The following SSBP2 variants were observed in gnomAD, a reference collection of about 807,000 sequenced individuals.
SSBP2 encodes single-stranded DNA-binding protein 2.
A neutral mutation model predicts 61.8 loss-of-function variants in SSBP2; 17 were observed. That is an observed-to-expected ratio of 0.28 (90% CI 0.19 to 0.41). SSBP2 has a LOEUF of 0.41. Among genes scored for constraint, SSBP2 ranks in the 10% least tolerant of loss-of-function variants. SSBP2 has a pLI of 1.00. For missense variants in SSBP2, 310 were observed against 458.7 expected, an observed-to-expected ratio of 0.68 and a Z score of 2.96; for synonymous variants, 139 against 141.3, an observed-to-expected ratio of 0.98 and a Z score of 0.12.
At chr5:81,458,720 T>A (rs1207347159) in intron 10 of SSBP2, among the ~76,000 whole-genome samples, 8 of 152,314 alleles carry the variant, frequency 5.3e-5, no homozygotes, top group Non-Finnish European at 7.4e-5. Flanking sequence ...GAATTCAACA[T>A]AATTTGGATA....
chr5:81,658,374 G>A (rs954633795), intron 1 of SSBP2, among the ~76,000 whole-genome samples: 4 of 151,948 alleles, frequency 2.6e-5, no homozygotes, highest in Admixed American at 6.6e-5. Context: ...CAGTATCCAC[G>A]GGGATTGACT....
intron 8 of SSBP2, among the ~76,000 whole-genome samples, chr5:81,467,800 C>T (rs1361667245): frequency 6.6e-6 from 1 of 151,990 alleles, no homozygotes; most frequent in East Asian, 1.9e-4. Flanking sequence ...ATTCCTCCAA[C>T]TCTTCTGGGT....
At chr5:81,505,695 T>C (rs1298963783) in intron 5 of SSBP2, among the ~76,000 whole-genome samples, 4 of 152,196 alleles carry the variant, frequency 2.6e-5, no homozygotes, top group African/African-American at 9.6e-5. Context: ...GAACAATAGC[T>C]AAGCTCTTAT....
intron 1 of SSBP2, among the ~76,000 whole-genome samples, chr5:81,728,688 C>G (rs190099791): frequency 1.9e-3 from 287 of 152,282 alleles, no homozygotes; most frequent in African/African-American, 6.6e-3. Flanking sequence ...ATATATCTTA[C>G]AGATTTTGTA....
chr5:81,494,168 A>G (rs749476422), intron 5 of SSBP2, among the ~76,000 whole-genome samples: 5 of 152,232 alleles, frequency 3.3e-5, no homozygotes, highest in Admixed American at 1.3e-4. Context: ...CTCAAAAGTC[A>G]TATTACATCA....
intron 1 of SSBP2, among the ~76,000 whole-genome samples, chr5:81,743,479 C>A (rs1485080828): frequency 6.6e-6 from 1 of 152,094 alleles, no homozygotes; most frequent in Non-Finnish European, 1.5e-5. Context: ...TTGCCTAGTA[C>A]ATTTATTTGC....
chr5:81,577,034 C>A (rs1444746867), intron 4 of SSBP2, among the ~76,000 whole-genome samples: 1 of 151,914 alleles, frequency 6.6e-6, no homozygotes. Context: ...TTAAATGTTT[C>A]GTGCATATTA....
intron 10 of SSBP2, among the ~76,000 whole-genome samples, chr5:81,455,112 G>C (rs1764042482): frequency 6.6e-6 from 1 of 152,046 alleles, no homozygotes; most frequent in Non-Finnish European, 1.5e-5. Flanking sequence ...ATACGCATTA[G>C]GCATTGTGGA....
chr5:81,750,850 C>T (rs1757719192), intron 1 of SSBP2, 131 bp downstream of exon 1: 1 of 1,018,218 alleles, frequency 9.8e-7, no homozygotes, highest in Admixed American at 2.1e-5. Flanking sequence ...CATCGCGGCA[C>T]CCCTCCCCCT....
At chr5:81,437,602 CTT>C in intron 14 of SSBP2, 144 bp from the exon 15 acceptor site, 1 of 659,634 alleles carries the variant, frequency 1.5e-6, no homozygotes, top group Non-Finnish European at 2.5e-6. Flanking sequence ...AAAAATTCCT[CTT>C]CTTTTATACA....
At chr5:81,733,404 G>A (rs1029871380) in intron 1 of SSBP2, among the ~76,000 whole-genome samples, 23 of 151,816 alleles carry the variant, frequency 1.5e-4, no homozygotes, top group Non-Finnish European at 8.8e-5. Flanking sequence ...TATGGTTGTA[G>A]GGATTCCCAT....
intron 1 of SSBP2, among the ~76,000 whole-genome samples, chr5:81,709,427 T>A (rs1436496): frequency 6.6e-6 from 1 of 151,982 alleles, no homozygotes; most frequent in South Asian, 2.1e-4. Flanking sequence ...ATTAAGCAAA[T>A]ACATAGCTTT....
At chr5:81,676,884 G>A (rs540981633) in intron 1 of SSBP2, among the ~76,000 whole-genome samples, 28 of 151,958 alleles carry the variant, frequency 1.8e-4, no homozygotes, top group African/African-American at 6.8e-4. Context: ...GGGAAGAAAG[G>A]GAAAAGGAAA....
intron 1 of SSBP2, among the ~76,000 whole-genome samples, chr5:81,750,336 ACCCGCACACGCCCTCCGCGC>A (rs1381961637): frequency 2.1e-5 from 3 of 140,348 alleles, no homozygotes; most frequent in Admixed American, 7.1e-5. Flanking sequence ...CGGACGCCCA[ACCCGCACACGCCCTCCGCGC>A]CCCGCGCGCG....
chr5:81,420,381 G>A lies in SSBP2; in HGVS notation c.*123C>T. On this transcript the variant is annotated 3_prime_UTR_variant, in exon 17 of 17. Transcript: ENST00000320672. ...GAGGGGAGAGAGCAGGAAATAAAAA[G>A]GTTGGTTTGGTGTGACTGAGATTCC... The A allele has an allele frequency of 1.1e-6, 1 of 892,000 alleles. No individual in the cohort carries two copies. Among genetic ancestry groups the A allele is most frequent in the Non-Finnish European group, 1.8e-6 (1 of 551,074 alleles). The allele number at this position is 892,000 out of a possible 1,614,324, so 55.3% of individuals were successfully genotyped here. A position where few individuals can be genotyped will look rare whatever the true frequency, so the allele number is the denominator to read the frequency against.
chr5:81,606,074 G>A (rs965452841), intron 4 of SSBP2, among the ~76,000 whole-genome samples: 5 of 152,106 alleles, frequency 3.3e-5, no homozygotes, highest in Admixed American at 2.0e-4. Flanking sequence ...CATCCAACTA[G>A]ATGCACAATT....
At chr5:81,677,640 A>G (rs1752082473) in intron 1 of SSBP2, among the ~76,000 whole-genome samples, 2 of 152,162 alleles carry the variant, frequency 1.3e-5, no homozygotes, top group Admixed American at 1.3e-4. Flanking sequence ...TAATGCCTCT[A>G]TCAAGGGGAG....
At chr5:81,703,504 A>G (rs756999253) in intron 1 of SSBP2, among the ~76,000 whole-genome samples, 30 of 152,208 alleles carry the variant, frequency 2.0e-4, no homozygotes, top group Non-Finnish European at 4.1e-4. Context: ...GCACATGTAT[A>G]CATATGTAAC....
chr5:81,554,052 T>A (rs1243551449), intron 4 of SSBP2, among the ~76,000 whole-genome samples: 2 of 152,064 alleles, frequency 1.3e-5, no homozygotes, highest in East Asian at 3.9e-4. Flanking sequence ...GAGAAATCCA[T>A]TAATTTTAAA....
Sources: gnomAD v4.1 joint callset for allele counts (sites outside exome capture counted in the v4.1 genomes callset) on GRCh38, gnomAD v4.1.1 for gene constraint, MANE v1.5 for transcripts, NCBI Gene and HGNC (gene_info 2026-07-23, HGNC 2026-07-21) for gene names.